Variants in CNTNAP3B observed in about 807,000 individuals in gnomAD.
CNTNAP3B encodes contactin-associated protein-like 3B.
A neutral mutation model predicts 108.9 loss-of-function variants in CNTNAP3B; 25 were observed. The ratio of observed to expected loss-of-function variants is 0.23; its 90% CI spans 0.17 to 0.32. The LOEUF (loss-of-function observed/expected upper bound fraction) is 0.32, where lower values mean the gene tolerates loss of function less well. Among genes scored for constraint, CNTNAP3B ranks in the 10% least tolerant of loss-of-function variants. The pLI is 1.00. For missense variants in CNTNAP3B, 252 were observed against 1,210.4 expected (o/e 0.21, Z 11.75); for synonymous variants, 103 against 473.4 (o/e 0.22, Z 10.16).
At chr9:41,928,116 G>C (rs1441500227) in intron 15 of CNTNAP3B, among the ~76,000 whole-genome samples, 2 of 152,274 alleles carry the variant, frequency 1.3e-5, no homozygotes, top group African/African-American at 2.4e-5. Context: ...TAACATATCT[G>C]TCAAGAGCTG....
At position 42,107,831 on chromosome 9, in the gene CNTNAP3B, T is replaced by C. The variant is rs1407767906; in HGVS notation, c.86-3092A>G. ...TCTACTAAAAATACAAAAAATTAGC[T>C]GGGCATGGTGGCACGTGCCCATAGT... On this transcript the variant is annotated intron_variant, in intron 1 of 23. Coordinates refer to ENST00000377561, the MANE Select transcript of CNTNAP3B (RefSeq NM_001201380.3). Among the ~76,000 whole-genome samples, 2 of 131,552 alleles carry C rather than the reference T, an allele frequency of 1.5e-5. 1 individual carries two copies. The highest frequency in any genetic ancestry group is 6.2e-5 in the African/African-American group (2 of 32,476). The allele number at this position is 131,552 out of a possible 152,430, so 86.3% of individuals were successfully genotyped here.
intron 13 of CNTNAP3B, among the ~76,000 whole-genome samples, chr9:41,944,274 A>T (rs1332210585): frequency 1.3e-5 from 2 of 148,832 alleles, no homozygotes; most frequent in Non-Finnish European, 3.0e-5. Flanking sequence ...GAAGAAAAAA[A>T]TTAAAATAAA....
intron 3 of CNTNAP3B, among the ~76,000 whole-genome samples, chr9:42,070,427 C>A (rs1329167951): frequency 6.7e-6 from 1 of 149,124 alleles, no homozygotes; most frequent in African/African-American, 2.5e-5. Context: ...CCCACAGGTG[C>A]AGCTGTTTGG....
At chr9:41,965,635 C>T (rs1825246430) in intron 10 of CNTNAP3B, among the ~76,000 whole-genome samples, 1 of 151,038 alleles carries the variant, frequency 6.6e-6, no homozygotes, top group Non-Finnish European at 1.5e-5. Flanking sequence ...ACTGACCTTC[C>T]AGGCCGTGAG....
chr9:41,966,707 C>T (rs1251049569), intron 10 of CNTNAP3B, among the ~76,000 whole-genome samples: 1 of 152,248 alleles, frequency 6.6e-6, no homozygotes, highest in Non-Finnish European at 1.5e-5. Context: ...GTGGCTCACG[C>T]CTGTAATCCC....
intron 1 of CNTNAP3B, among the ~76,000 whole-genome samples, chr9:42,124,798 T>C (rs1248013582): frequency 7.6e-6 from 1 of 131,470 alleles, no homozygotes; most frequent in African/African-American, 3.1e-5. Context: ...AATTACATCT[T>C]TGTCATTCAG....
At chr9:42,036,004 A>T (rs1826619768) in intron 3 of CNTNAP3B, among the ~76,000 whole-genome samples, 1 of 146,104 alleles carries the variant, frequency 6.8e-6, no homozygotes, top group Non-Finnish European at 1.5e-5. Flanking sequence ...GCTACTCGGG[A>T]GGCTGAGGCA....
rs1274468948 is a variant in CNTNAP3B at position 41,973,183 on chromosome 9, G to A, written c.1478-2938C>T. ...AGGATGGTTTTGATCTCCTGACCTC[G>A]TGATCCACCTGCCTCAGCCTCCCAA... is the stretch of plus-strand genomic sequence containing the variant. On this transcript the variant is annotated intron_variant, in intron 9 of 23. Transcript: ENST00000377561. 2.1e-4 allele frequency among the ~76,000 whole-genome samples: 30 copies of A among 143,160 alleles called. 4 individuals are homozygous for A. Among genetic ancestry groups the A allele is most frequent in the African/African-American group, 4.7e-4 (18 of 38,640 alleles). The allele number at this position is 143,160 out of a possible 152,430, so 93.9% of individuals were successfully genotyped here.
At chr9:42,095,860 G>A (rs1827887633) in intron 2 of CNTNAP3B, among the ~76,000 whole-genome samples, 1 of 137,102 alleles carries the variant, frequency 7.3e-6, no homozygotes, top group Non-Finnish European at 1.6e-5. Context: ...AAAGCGGGGA[G>A]GGGAGTGTGT....
At chr9:42,103,071 T>C (rs1212399876) in intron 2 of CNTNAP3B, among the ~76,000 whole-genome samples, 5 of 124,756 alleles carry the variant, frequency 4.0e-5, no homozygotes, top group Admixed American at 8.1e-5. Context: ...CTCATAATCA[T>C]GTACTTTAGT....
chr9:42,063,326 T>C (rs1250267955), intron 3 of CNTNAP3B, among the ~76,000 whole-genome samples: 1 of 131,586 alleles, frequency 7.6e-6, no homozygotes, highest in African/African-American at 3.1e-5. Flanking sequence ...TGGTTGACAG[T>C]TTTTGTTATG....
chr9:42,078,965 C>A (rs1667024396), intron 2 of CNTNAP3B, among the ~76,000 whole-genome samples: 1 of 150,876 alleles, frequency 6.6e-6, no homozygotes, highest in Non-Finnish European at 1.5e-5. Flanking sequence ...CTAGGTCAGG[C>A]AAAGAGTTCC....
chr9:41,938,109 AC>A, intron 14 of CNTNAP3B, 134 bp downstream of exon 14: 1 of 717,972 alleles, frequency 1.4e-6, no homozygotes, highest in Non-Finnish European at 2.3e-6. Context: ...TTTCATCAAA[AC>A]TTGTATTTCA....
intron 3 of CNTNAP3B, among the ~76,000 whole-genome samples, chr9:42,030,808 A>ATGTGTGC (rs1826508143): frequency 5.9e-5 from 5 of 85,288 alleles, no homozygotes; most frequent in African/African-American, 1.0e-4. Flanking sequence ...AGAGAGAGAG[A>ATGTGTGC]GAGAGGAGAG....
At position 42,098,381 on chromosome 9, in the gene CNTNAP3B, G is replaced by C. The variant is rs558034922; in HGVS notation, c.196+6248C>G. ...TAGGTCAGGAGATTGAGACCATCCT[G>C]GCTAACATGGTGAAACCCCTTCTCT... is the stretch of plus-strand genomic sequence containing the variant. On this transcript the variant is annotated intron_variant, in intron 2 of 23. Coordinates refer to ENST00000377561, the MANE Select transcript of CNTNAP3B (RefSeq NM_001201380.3). Among the ~76,000 whole-genome samples, 17 of 116,606 alleles carry C rather than the reference G, an allele frequency of 1.5e-4. 3 individuals are homozygous for C. Among genetic ancestry groups the C allele is most frequent in the South Asian group, 2.9e-4 (1 of 3,486 alleles). 76.5% of individuals were successfully genotyped at this position (116,606 alleles called of 152,430 possible).
chr9:41,915,961 A>G (rs1823506631), intron 18 of CNTNAP3B, among the ~76,000 whole-genome samples: 1 of 151,374 alleles, frequency 6.6e-6, no homozygotes, highest in African/African-American at 2.4e-5. Flanking sequence ...ACACTAACTT[A>G]ATACAAGTGA....
chr9:42,043,186 T>TTC (rs1249413000), intron 3 of CNTNAP3B, among the ~76,000 whole-genome samples: 1 of 119,468 alleles, frequency 8.4e-6, no homozygotes, highest in African/African-American at 3.3e-5. Flanking sequence ...TTTTTTTTTT[T>TTC]TTGAGACAGT....
chr9:42,001,641 G>A (rs1240744370), intron 4 of CNTNAP3B, among the ~76,000 whole-genome samples: 3 of 113,964 alleles, frequency 2.6e-5, no homozygotes, highest in Admixed American at 8.9e-5. Flanking sequence ...AAAATCCAAC[G>A]TTCCTCAAAG....
chr9:41,945,484 G>A (rs1386018438), intron 13 of CNTNAP3B, among the ~76,000 whole-genome samples: 5 of 152,180 alleles, frequency 3.3e-5, no homozygotes, highest in African/African-American at 1.2e-4. Context: ...GATGAAGCTG[G>A]AAACCATCAT....
Sources: gnomAD v4.1 joint callset for allele counts (sites outside exome capture counted in the v4.1 genomes callset) on GRCh38, gnomAD v4.1.1 for gene constraint, MANE v1.5 for transcripts, NCBI Gene and HGNC (gene_info 2026-07-23, HGNC 2026-07-21) for gene names.